COL9A1: variants seen among roughly 807,000 people sequenced by gnomAD.
COL9A1 encodes the protein collagen alpha-1(IX) chain.
Under a neutral mutation model 142.6 loss-of-function variants are expected in COL9A1, and 104 were observed. The observed-to-expected ratio is 0.73, with a 90% CI of 0.62 to 0.86. The LOEUF (loss-of-function observed/expected upper bound fraction) is 0.86, where lower values mean the gene tolerates loss of function less well. COL9A1 is among the 40% of genes least tolerant of loss of function. The probability of loss-of-function intolerance (pLI) is 0.00; values close to 1 mark genes in which losing one functional copy is unlikely to be tolerated. For missense variants in COL9A1, 1,210 were observed against 1,176.6 expected (o/e 1.03, Z -0.42); for synonymous variants, 466 against 396.0 (o/e 1.18, Z -2.10).
chr6:70,293,583 C>G (rs189458632), intron 5 of COL9A1, among the ~76,000 whole-genome samples: 1 of 151,714 alleles, frequency 6.6e-6, no homozygotes, highest in Admixed American at 6.6e-5. Context: ...AACCTCATCT[C>G]TCACCACTCT....
At chr6:70,251,411 G>A (rs1335808201) in intron 28 of COL9A1, among the ~76,000 whole-genome samples, 2 of 152,130 alleles carry the variant, frequency 1.3e-5, no homozygotes, top group Admixed American at 1.3e-4. Flanking sequence ...GCCAGGTGTG[G>A]TGATGCACCC....
At chr6:70,283,139 A>T in intron 6 of COL9A1, 1 of 1,528,838 alleles carries the variant, frequency 6.5e-7, no homozygotes, top group East Asian at 2.4e-5. Flanking sequence ...CATAGGTGGC[A>T]CTTCGTCCCT....
intron 36 of COL9A1, among the ~76,000 whole-genome samples, chr6:70,230,408 G>T (rs1418347467): frequency 6.6e-6 from 1 of 152,160 alleles, no homozygotes; most frequent in African/African-American, 2.4e-5. Flanking sequence ...ACGAGAAAGG[G>T]ATGGAGGAGG....
chr6:70,292,509 G>C (rs1773696646), intron 5 of COL9A1, among the ~76,000 whole-genome samples: 1 of 152,112 alleles, frequency 6.6e-6, no homozygotes, highest in African/African-American at 2.4e-5. Context: ...AATAGAGTTG[G>C]CAGAAAAATC....
chr6:70,222,758 G>C (rs1472294435), intron 37 of COL9A1: 2 of 151,338 alleles, frequency 1.3e-5, no homozygotes, highest in Non-Finnish European at 2.9e-5. Context: ...TTTTATTCAG[G>C]AGGATTTGAG....
At chr6:70,297,180 G>T (rs933405296) in intron 4 of COL9A1, among the ~76,000 whole-genome samples, 3 of 151,830 alleles carry the variant, frequency 2.0e-5, no homozygotes, top group Non-Finnish European at 2.9e-5. Flanking sequence ...TCTCTGACTT[G>T]GTGTATGTAA....
At chr6:70,225,440 G>C (rs548023344) in intron 37 of COL9A1, among the ~76,000 whole-genome samples, 1 of 147,610 alleles carries the variant, frequency 6.8e-6, no homozygotes, top group Admixed American at 6.7e-5. Context: ...GTTCAGTTTT[G>C]TATTTTCTTT....
intron 28 of COL9A1, among the ~76,000 whole-genome samples, chr6:70,245,338 T>C (rs1031962779): frequency 2.0e-5 from 3 of 152,196 alleles, no homozygotes; most frequent in Non-Finnish European, 4.4e-5. Context: ...CAGGGAGTAA[T>C]TAAGCATGTG....
In COL9A1 at chr6:70,227,510, C is replaced by T. The variant is rs79731128; in HGVS notation, c.2504-1501G>A. Among the ~76,000 whole-genome samples, 1,231 of 145,908 alleles carry T rather than the reference C, an allele frequency of 8.4e-3. 18 individuals are homozygous for T. The highest frequency in any genetic ancestry group is 0.029 in the African/African-American group (1,140 of 38,698). On this transcript the variant is annotated intron_variant, in intron 36 of 37. Coordinates refer to ENST00000357250, the MANE Select transcript of COL9A1 (RefSeq NM_001851.6). ...CAAAGTTCAATTAAAGATATACTAG[C>T]AAGTCTGTGGAATATGCACTATTAT...
intron 10 of COL9A1, chr6:70,280,391 G>A: frequency 8.5e-7 from 1 of 1,173,798 alleles, no homozygotes. Context: ...TGCAGGGAGT[G>A]CCGGTGAAAG....
At chr6:70,225,268 G>A (rs1225384440) in intron 37 of COL9A1, among the ~76,000 whole-genome samples, 1 of 152,144 alleles carries the variant, frequency 6.6e-6, no homozygotes, top group Non-Finnish European at 1.5e-5. Context: ...CATTTCCTAA[G>A]GGATAAGTGT....
chr6:70,231,576 A>G (rs576048933), intron 36 of COL9A1, among the ~76,000 whole-genome samples: 3 of 152,080 alleles, frequency 2.0e-5, no homozygotes, highest in Admixed American at 1.3e-4. Context: ...AAAAAAATGT[A>G]ATTAAATAAA....
intron 19 of COL9A1, 114 bp downstream of exon 19, chr6:70,263,130 A>G: frequency 5.0e-6 from 4 of 802,954 alleles, no homozygotes; most frequent in Non-Finnish European, 6.0e-6. Flanking sequence ...AATAGAGGAC[A>G]CCAAGTTCAT....
chr6:70,257,858 T>C (rs1771420475), intron 20 of COL9A1, among the ~76,000 whole-genome samples: 1 of 152,084 alleles, frequency 6.6e-6, no homozygotes, highest in Non-Finnish European at 1.5e-5. Flanking sequence ...GGACTCTGGA[T>C]CTCCCATCAA....
chr6:70,242,578 T>C (rs1256458807), intron 29 of COL9A1, 84 bp downstream of exon 29: 10 of 1,162,306 alleles, frequency 8.6e-6, no homozygotes, highest in East Asian at 4.7e-5. Context: ...GGTAATTCAA[T>C]TGTAAATTGT....
chr6:70,264,071 C>T (rs1188391922), intron 18 of COL9A1, among the ~76,000 whole-genome samples: 1 of 151,914 alleles, frequency 6.6e-6, no homozygotes, highest in Non-Finnish European at 1.5e-5. Flanking sequence ...TGGCTCTAAA[C>T]TTTGATTCTG....
intron 29 of COL9A1, 48 bp from the exon 30 acceptor site, chr6:70,242,083 G>C (rs754898288): frequency 6.7e-7 from 1 of 1,491,626 alleles, no homozygotes; most frequent in African/African-American, 1.4e-5. Context: ...CTGCAACACT[G>C]AAAGCACGGA....
intron 12 of COL9A1, 145 bp from the exon 13 acceptor site, chr6:70,272,233 G>C: frequency 1.5e-4 from 85 of 573,370 alleles, no homozygotes; most frequent in Middle Eastern, 5.2e-4. Flanking sequence ...ATAAAGAAAA[G>C]CAAACACGGC....
At position 70,216,803 on chromosome 6, in the gene COL9A1, G is replaced by T; in HGVS notation, c.*94C>A. ...GTAATACATTGTAATCATGCTGAAG[G>T]TAATCATCTTTGCCCCAGCTTTGGA... On this transcript the variant is annotated 3_prime_UTR_variant, in exon 38 of 38. Transcript: ENST00000357250. 1 of 1,267,054 alleles carries T rather than the reference G, an allele frequency of 7.9e-7. No individual in the cohort carries two copies. Among genetic ancestry groups the T allele is most frequent in the South Asian group, 1.2e-5 (1 of 80,492 alleles). 78.5% of individuals were successfully genotyped at this position (1,267,054 alleles called of 1,614,324 possible).
Sources: gnomAD v4.1 joint callset for allele counts (sites outside exome capture counted in the v4.1 genomes callset) on GRCh38, gnomAD v4.1.1 for gene constraint, MANE v1.5 for transcripts, NCBI Gene and HGNC (gene_info 2026-07-23, HGNC 2026-07-21) for gene names.